Variants in EXOC6B observed in about 807,000 individuals in gnomAD.
The protein encoded by EXOC6B is SEC15 homolog B.
EXOC6B carries 54 observed loss-of-function variants against 113.5 expected under a neutral mutation model. That is an observed-to-expected ratio of 0.48 (90% CI 0.38 to 0.60). EXOC6B has a LOEUF of 0.60. Ranked by LOEUF, EXOC6B falls within the 20% of genes least tolerant of loss-of-function variation. The pLI is 0.00. For missense variants in EXOC6B, 797 were observed against 977.5 expected, an observed-to-expected ratio of 0.82 and a Z score of 2.46; for synonymous variants, 357 against 339.0, an observed-to-expected ratio of 1.05 and a Z score of -0.58.
intron 16 of EXOC6B, among the ~76,000 whole-genome samples, chr2:72,491,260 A>G (rs771811732): frequency 5.3e-5 from 8 of 152,162 alleles, no homozygotes; most frequent in Non-Finnish European, 1.2e-4. Context: ...CTATAAGTAG[A>G]ACTCAATCAC....
chr2:72,543,205 T>A (rs1158507960), intron 8 of EXOC6B, among the ~76,000 whole-genome samples: 2 of 151,716 alleles, frequency 1.3e-5, no homozygotes, highest in Non-Finnish European at 2.9e-5. Context: ...GGTGAGAGAG[T>A]TAGGCTAAGG....
intron 20 of EXOC6B, among the ~76,000 whole-genome samples, chr2:72,204,720 A>G (rs1263132214): frequency 1.3e-5 from 2 of 152,186 alleles, no homozygotes; most frequent in Non-Finnish European, 2.9e-5. Flanking sequence ...TAAACATTAC[A>G]GAGTGGCCAT....
intron 6 of EXOC6B, among the ~76,000 whole-genome samples, chr2:72,639,041 C>G (rs1333903525): frequency 6.6e-6 from 1 of 152,160 alleles, no homozygotes; most frequent in Admixed American, 6.5e-5. Context: ...AGGGCAGCCC[C>G]TGTGACCATG....
chr2:72,631,255 C>A (rs4852294), intron 6 of EXOC6B, among the ~76,000 whole-genome samples: 93,099 of 150,614 alleles, frequency 0.62, 34,635 homozygotes, highest in East Asian at 0.99. Context: ...TGTATATATA[C>A]ATCACTGTTT....
chr2:72,567,409 T>G (rs545950236), intron 7 of EXOC6B, among the ~76,000 whole-genome samples: 2 of 152,144 alleles, frequency 1.3e-5, no homozygotes, highest in African/African-American at 4.8e-5. Flanking sequence ...ATGCTGATAC[T>G]CTGGAAACCA....
At chr2:72,747,441 A>T (rs1472649776) in intron 1 of EXOC6B, among the ~76,000 whole-genome samples, 1 of 152,046 alleles carries the variant, frequency 6.6e-6, no homozygotes, top group Non-Finnish European at 1.5e-5. Context: ...AAGGAAGAAG[A>T]TATTGCCCAA....
At chr2:72,231,995 G>T (rs1347008380) in intron 20 of EXOC6B, among the ~76,000 whole-genome samples, 3 of 151,430 alleles carry the variant, frequency 2.0e-5, no homozygotes, top group Non-Finnish European at 4.4e-5. Flanking sequence ...ATTTTTTTTT[G>T]AGACAGTCTG....
At chr2:72,463,147 A>T (rs780547691) in intron 18 of EXOC6B, 18 of 152,156 alleles carry the variant, frequency 1.2e-4, no homozygotes, top group South Asian at 2.1e-4. Context: ...ACACACTAGT[A>T]CAAAATTACT....
At chr2:72,200,689 C>A (rs1319256979) in intron 20 of EXOC6B, among the ~76,000 whole-genome samples, 1 of 152,148 alleles carries the variant, frequency 6.6e-6, no homozygotes, top group Non-Finnish European at 1.5e-5. Context: ...GGAATACAGG[C>A]CCCTGATTTG....
intron 6 of EXOC6B, among the ~76,000 whole-genome samples, chr2:72,673,576 CT>C (rs1174172430): frequency 2.0e-5 from 3 of 152,020 alleles, no homozygotes; most frequent in African/African-American, 7.2e-5. Context: ...TTAAAGTCTC[CT>C]TAACAATAAA....
chr2:72,681,972 C>G (rs911668499), intron 6 of EXOC6B, among the ~76,000 whole-genome samples: 3 of 146,052 alleles, frequency 2.1e-5, no homozygotes, highest in African/African-American at 7.5e-5. Flanking sequence ...AATTTTAGTT[C>G]ATAAAGTTAT....
chr2:72,588,890 TA>T (rs1197467926), intron 6 of EXOC6B, among the ~76,000 whole-genome samples: 1 of 152,036 alleles, frequency 6.6e-6, no homozygotes, highest in African/African-American at 2.4e-5. Context: ...TGAATTTGAG[TA>T]ATTCCCAGCT....
At chr2:72,791,561 A>G (rs1684674862) in intron 1 of EXOC6B, among the ~76,000 whole-genome samples, 1 of 152,184 alleles carries the variant, frequency 6.6e-6, no homozygotes, top group Non-Finnish European at 1.5e-5. Flanking sequence ...AACTAAATAT[A>G]TAAATAGGTA....
rs774475676 is a variant in EXOC6B at position 72,334,945 on chromosome 2, A to G, written c.2196+2T>C. On this transcript the variant is annotated splice_donor_variant, in intron 20 of 21. Transcript: ENST00000272427. LOFTEE classifies it high-confidence loss of function. ...ACAAAAAACAAAAACACAAAGACTT[A>G]CTTGTCTCAAGTCGATGAAGGCCAA... 3.1e-6 allele frequency: 5 copies of G among 1,613,062 alleles called. No homozygotes were observed. In the South Asian group the frequency reaches 5.5e-5, roughly 18 times the overall value.
At chr2:72,640,356 A>G (rs1673138308) in intron 6 of EXOC6B, among the ~76,000 whole-genome samples, 1 of 152,198 alleles carries the variant, frequency 6.6e-6, no homozygotes, top group Admixed American at 6.5e-5. Context: ...TCTAAGAAAT[A>G]CGGGATTATG....
At chr2:72,570,088 A>T (rs1272165463) in intron 7 of EXOC6B, among the ~76,000 whole-genome samples, 1 of 152,158 alleles carries the variant, frequency 6.6e-6, no homozygotes, top group Non-Finnish European at 1.5e-5. Flanking sequence ...TTAAAGAGGT[A>T]ATTAAAATTA....
intron 18 of EXOC6B, among the ~76,000 whole-genome samples, chr2:72,451,735 G>A (rs192809300): frequency 1.3e-5 from 2 of 151,744 alleles, no homozygotes; most frequent in East Asian, 3.9e-4. Flanking sequence ...TAGGAAGAGA[G>A]TGGACTTCAT....
At chr2:72,305,322 GTGTATA>G (rs3036342) in intron 20 of EXOC6B, among the ~76,000 whole-genome samples, 7,593 of 144,562 alleles carry the variant, frequency 0.053, 195 homozygotes, top group African/African-American at 0.058. Context: ...ATATGGGTGT[GTGTATA>G]TGTATATGTA....
chr2:72,668,408 T>C (rs1384398069), intron 6 of EXOC6B, among the ~76,000 whole-genome samples: 3 of 151,428 alleles, frequency 2.0e-5, no homozygotes, highest in Non-Finnish European at 4.4e-5. Flanking sequence ...GCAATCCCAT[T>C]ACTGAGTATA....
Sources: gnomAD v4.1 joint callset for allele counts (sites outside exome capture counted in the v4.1 genomes callset) on GRCh38, gnomAD v4.1.1 for gene constraint, MANE v1.5 for transcripts, NCBI Gene and HGNC (gene_info 2026-07-23, HGNC 2026-07-21) for gene names.